Variants in ZNG1F observed in about 807,000 individuals in gnomAD.
The protein encoded by ZNG1F is Zn regulated GTPase metalloprotein activator 1F.
chr9:41,145,215 A>G, the ZNG1F span: 3 of 264,862 alleles, frequency 1.1e-5, no homozygotes, highest in Non-Finnish European at 1.9e-5. Context: ...AACATAGCCT[A>G]TCTAGTTAAA....
chr9:41,165,039 G>A, the ZNG1F span: 205,922 of 1,531,468 alleles, frequency 0.13, 28,033 homozygotes, highest in African/African-American at 0.35. Flanking sequence ...CTTCTTCTGG[G>A]ACCAAGTCTG....
chr9:41,169,670 T>C, the ZNG1F span, among the ~76,000 whole-genome samples: 1 of 148,526 alleles, frequency 6.7e-6, no homozygotes, highest in African/African-American at 2.5e-5. Context: ...AATTACAGCA[T>C]GATGACTGTA....
At chr9:41,150,349 G>C in the ZNG1F span, among the ~76,000 whole-genome samples, 3 of 149,846 alleles carry the variant, frequency 2.0e-5, no homozygotes, top group South Asian at 6.3e-4. Context: ...CGGATTGCTA[G>C]CACAGCAGTC....
the ZNG1F span, among the ~76,000 whole-genome samples, chr9:41,144,281 T>C: frequency 5.8e-5 from 2 of 34,302 alleles, 1 homozygote; most frequent in African/African-American, 1.2e-4. Context: ...TGCGTTTGCT[T>C]CATCTTTTCA....
At chr9:41,184,187 TA>T in the ZNG1F span, among the ~76,000 whole-genome samples, 1 of 150,638 alleles carries the variant, frequency 6.6e-6, no homozygotes. Context: ...ATTTAAAAAT[TA>T]AATTTATAGG....
the ZNG1F span, chr9:41,132,133 G>A: frequency 5.2e-6 from 8 of 1,535,746 alleles, no homozygotes; most frequent in Non-Finnish European, 7.1e-6. Context: ...TTTTAAAAGA[G>A]GACCTGAATG....
chr9:41,164,988 C>T, the ZNG1F span: 2 of 1,585,172 alleles, frequency 1.3e-6, 1 homozygote, highest in Non-Finnish European at 1.7e-6. Context: ...ACTTAACACA[C>T]ATCATTTTGT....
the ZNG1F span, among the ~76,000 whole-genome samples, chr9:41,146,211 T>C: frequency 2.1e-5 from 3 of 144,586 alleles, no homozygotes; most frequent in South Asian, 2.2e-4. Context: ...AAAAAAGTCA[T>C]GCAATGGCCT....
At chr9:41,160,435 T>TTG in the ZNG1F span, among the ~76,000 whole-genome samples, 5 of 22,314 alleles carry the variant, frequency 2.2e-4, 2 homozygotes, top group Admixed American at 7.1e-4. Context: ...TGTTTGTTTT[T>TTG]TTTTTGAGAC....
the ZNG1F span, among the ~76,000 whole-genome samples, chr9:41,160,424 T>G: frequency 3.6e-5 from 1 of 27,842 alleles, no homozygotes; most frequent in Non-Finnish European, 1.1e-4. Flanking sequence ...TTTTGTTTGT[T>G]TGTTTGTTTT....
At chr9:41,154,836 C>T in the ZNG1F span, among the ~76,000 whole-genome samples, 3 of 149,814 alleles carry the variant, frequency 2.0e-5, 1 homozygote, top group African/African-American at 7.4e-5. Flanking sequence ...TTCCTTACAC[C>T]TTATACAAAA....
the ZNG1F span, among the ~76,000 whole-genome samples, chr9:41,139,293 TG>T: frequency 1.4e-5 from 2 of 143,596 alleles, no homozygotes; most frequent in Non-Finnish European, 3.1e-5. Flanking sequence ...AGGCTGGTAC[TG>T]GGGGGTAGTC....
chr9:41,155,309 T>C, the ZNG1F span, among the ~76,000 whole-genome samples: 101 of 150,212 alleles, frequency 6.7e-4, 3 homozygotes, highest in Non-Finnish European at 4.7e-4. Context: ...AATGAGATAC[T>C]ATCTCACACC....
chr9:41,165,015 T>C, the ZNG1F span: 4 of 1,588,158 alleles, frequency 2.5e-6, no homozygotes, highest in Non-Finnish European at 3.4e-6. Flanking sequence ...GTGTCGTTCT[T>C]AATTTCTTTA....
At chr9:41,175,489 TGGCTAAAACATG>T in the ZNG1F span, among the ~76,000 whole-genome samples, 2 of 145,538 alleles carry the variant, frequency 1.4e-5, no homozygotes, top group Non-Finnish European at 3.0e-5. Context: ...TTCACTTTCT[TGGCTAAAACATG>T]ATTTTAATTA....
chr9:41,177,383 AAAG>A, the ZNG1F span: 1 of 144,484 alleles, frequency 6.9e-6, no homozygotes, highest in African/African-American at 2.6e-5. Flanking sequence ...TTTCAAAAAT[AAAG>A]AAGAAAACTC....
At chr9:41,184,176 C>T in the ZNG1F span, among the ~76,000 whole-genome samples, 12 of 150,808 alleles carry the variant, frequency 8.0e-5, 1 homozygote, top group African/African-American at 1.2e-4. Flanking sequence ...ACCATGTGCT[C>T]ATTTAAAAAT....
the ZNG1F span, chr9:41,165,000 C>A: frequency 2.5e-6 from 4 of 1,587,144 alleles, no homozygotes; most frequent in African/African-American, 4.1e-5. Context: ...TCATTTTGTA[C>A]CTAAGTGTCG....
At chr9:41,158,055 G>A in the ZNG1F span, 1 of 111,634 alleles carries the variant, frequency 9.0e-6, no homozygotes, top group South Asian at 3.4e-4. Flanking sequence ...CAAACAAGGG[G>A]CACGGGGGCT....
Sources: gnomAD v4.1 joint callset for allele counts (sites outside exome capture counted in the v4.1 genomes callset) on GRCh38, gnomAD v4.1.1 for gene constraint, MANE v1.5 for transcripts, NCBI Gene and HGNC (gene_info 2026-07-23, HGNC 2026-07-21) for gene names.